The following LRRTM3 variants were observed in gnomAD, a reference collection of about 807,000 sequenced individuals.
LRRTM3 encodes leucine rich repeat transmembrane neuronal 3.
Under a neutral mutation model 44.7 loss-of-function variants are expected in LRRTM3, and 24 were observed. The ratio of observed to expected loss-of-function variants is 0.54; its 90% CI spans 0.39 to 0.76. LRRTM3 has a LOEUF of 0.76. Among genes scored for constraint, LRRTM3 ranks in the 30% least tolerant of loss-of-function variants. The pLI is 0.00. For missense variants in LRRTM3, 587 were observed against 702.2 expected (o/e 0.84, Z 1.85); for synonymous variants, 277 against 278.7 (o/e 0.99, Z 0.06).
intron 2 of LRRTM3, among the ~76,000 whole-genome samples, chr10:66,930,603 C>G (rs1023917188): frequency 6.6e-6 from 1 of 152,104 alleles, no homozygotes; most frequent in African/African-American, 2.4e-5. Flanking sequence ...TATATTTAGG[C>G]AAGGAATACT....
chr10:67,078,136 T>C (rs1043721405), intron 2 of LRRTM3, among the ~76,000 whole-genome samples: 3 of 152,194 alleles, frequency 2.0e-5, no homozygotes, highest in African/African-American at 7.2e-5. Context: ...TAATAACCTC[T>C]AACAAAGGTA....
chr10:66,930,922 G>A (rs541932453), intron 2 of LRRTM3, among the ~76,000 whole-genome samples: 1 of 152,162 alleles, frequency 6.6e-6, no homozygotes, highest in East Asian at 1.9e-4. Flanking sequence ...TGAATCTTCT[G>A]TAATTCTCAG....
intron 2 of LRRTM3, among the ~76,000 whole-genome samples, chr10:67,038,356 T>C (rs1854193074): frequency 6.6e-6 from 1 of 152,114 alleles, no homozygotes; most frequent in Admixed American, 6.5e-5. Flanking sequence ...TAAGTCACTA[T>C]ATGTCAATTA....
intron 2 of LRRTM3, among the ~76,000 whole-genome samples, chr10:67,032,753 A>T (rs1187414078): frequency 6.6e-6 from 1 of 152,074 alleles, no homozygotes; most frequent in Non-Finnish European, 1.5e-5. Flanking sequence ...AATGTCTTTG[A>T]TGTCAACAAA....
intron 2 of LRRTM3, among the ~76,000 whole-genome samples, chr10:66,968,460 T>C (rs1336446964): frequency 4.0e-5 from 6 of 151,226 alleles, no homozygotes; most frequent in Non-Finnish European, 7.4e-5. Context: ...GAAAATACAA[T>C]TTTAGAACCA....
rs747622871 is a variant in LRRTM3 at position 66,928,036 on chromosome 10, G to C, written c.1120G>C (p.Ala374Pro). The change falls in exon 2 of 3, where the codon GCT becomes CCT. Residue 374 changes from alanine to proline, a missense_variant. This residue lies in a region of LRRTM3 where 315 missense variants were observed against 335.6 expected (regional missense o/e 0.94). Transcript: ENST00000361320. ...TACAGAGAGGTTTGATCTGGCCAGG[G>C]CTCTCCCAAAGCCGACGTTTAAGCC... The part of the protein sequence containing the change: ...STTERFDLAR[A>P]LPKPTFKPKL... The C allele has an allele frequency of 6.2e-7, 1 of 1,614,082 alleles. No homozygotes were observed. Among genetic ancestry groups the C allele is most frequent in the Non-Finnish European group, 8.5e-7 (1 of 1,180,048 alleles).
At chr10:67,041,178 G>C (rs1279415578) in intron 2 of LRRTM3, among the ~76,000 whole-genome samples, 1 of 152,004 alleles carries the variant, frequency 6.6e-6, no homozygotes, top group Non-Finnish European at 1.5e-5. Context: ...TGTTCTGCCA[G>C]AGCAAATAGT....
intron 2 of LRRTM3, among the ~76,000 whole-genome samples, chr10:67,032,582 T>C (rs537622703): frequency 1.3e-5 from 2 of 152,196 alleles, no homozygotes; most frequent in Non-Finnish European, 2.9e-5. Flanking sequence ...TGCCAGGTAT[T>C]AAGCATCAGA....
intron 2 of LRRTM3, among the ~76,000 whole-genome samples, chr10:66,982,811 G>C (rs1179516017): frequency 6.6e-6 from 1 of 152,124 alleles, no homozygotes; most frequent in Admixed American, 6.6e-5. Context: ...TGCCTTTCCA[G>C]TAAGATATTA....
At chr10:66,986,834 A>G (rs1850754505) in intron 2 of LRRTM3, among the ~76,000 whole-genome samples, 1 of 152,162 alleles carries the variant, frequency 6.6e-6, no homozygotes, top group South Asian at 2.1e-4. Flanking sequence ...TATTAATTTA[A>G]CAGATGTTTA....
chr10:66,933,840 A>G (rs1399141547), intron 2 of LRRTM3, among the ~76,000 whole-genome samples: 1 of 152,214 alleles, frequency 6.6e-6, no homozygotes, highest in Admixed American at 6.6e-5. Flanking sequence ...TGCTCTTACC[A>G]ATATGAAGTA....
chr10:67,033,459 G>GA (rs1047760043), intron 2 of LRRTM3, among the ~76,000 whole-genome samples: 22 of 152,118 alleles, frequency 1.4e-4, no homozygotes, highest in African/African-American at 5.1e-4. Context: ...TACTTGGTCA[G>GA]AAAAAATTCA....
At chr10:67,070,193 T>C (rs1856362840) in intron 2 of LRRTM3, among the ~76,000 whole-genome samples, 1 of 152,244 alleles carries the variant, frequency 6.6e-6, no homozygotes, top group Non-Finnish European at 1.5e-5. Context: ...AATTTGGATA[T>C]CCTCTTATGT....
intron 2 of LRRTM3, among the ~76,000 whole-genome samples, chr10:67,079,991 T>A (rs1222053211): frequency 6.6e-6 from 1 of 150,622 alleles, no homozygotes; most frequent in East Asian, 2.0e-4. Flanking sequence ...TAGAGGAGGG[T>A]GGTTGTACAA....
Position 66,951,088 on chromosome 10 carries a change from T to TACAC in LRRTM3, c.1536+22663_1536+22666dup, listed in dbSNP as rs3056558. On this transcript the variant is annotated intron_variant, in intron 2 of 2. Transcript: ENST00000361320. ...TGCCAGCTTTTTCTTTAACATTAAA[T>TACAC]ACACACACACACACACACACACACA... 9.3e-3 allele frequency among the ~76,000 whole-genome samples: 1,353 copies of TACAC among 146,132 alleles called. 17 individuals carry two copies. Among genetic ancestry groups the TACAC allele is most frequent in the East Asian group, 0.065 (317 of 4,872 alleles).
At chr10:67,086,418 A>G (rs1857311075) in intron 2 of LRRTM3, among the ~76,000 whole-genome samples, 1 of 152,060 alleles carries the variant, frequency 6.6e-6, no homozygotes, top group Admixed American at 6.6e-5. Flanking sequence ...GAAGTTGAAG[A>G]GAAATTCAAT....
intron 2 of LRRTM3, among the ~76,000 whole-genome samples, chr10:66,975,534 A>G (rs1849979973): frequency 6.6e-6 from 1 of 152,210 alleles, no homozygotes; most frequent in African/African-American, 2.4e-5. Flanking sequence ...TGCAAATCAG[A>G]TCAAGAATTG....
chr10:66,964,364 C>T (rs74141743), intron 2 of LRRTM3, among the ~76,000 whole-genome samples: 2,417 of 151,796 alleles, frequency 0.016, 75 homozygotes, highest in African/African-American at 0.054. Flanking sequence ...TCATAAATCA[C>T]TCTACCTTGT....
intron 2 of LRRTM3, among the ~76,000 whole-genome samples, chr10:67,061,368 C>T (rs894259920): frequency 2.6e-5 from 4 of 152,088 alleles, no homozygotes; most frequent in African/African-American, 9.7e-5. Context: ...AAAATAGAAA[C>T]GTTTGGTTCA....
Sources: allele counts gnomAD v4.1 joint callset (sites outside exome capture counted in the v4.1 genomes callset), GRCh38; gene constraint gnomAD v4.1.1; regional missense constraint gnomAD v4.1.1; transcripts MANE v1.5; gene names NCBI Gene and HGNC (gene_info 2026-07-23, HGNC 2026-07-21).